ANGEL2: variants seen among roughly 807,000 people sequenced by gnomAD.
ANGEL2 encodes RNA 2',3'-cyclic phosphatase ANGEL2.
Under a neutral mutation model 66.0 loss-of-function variants are expected in ANGEL2, and 41 were observed. The ratio of observed to expected loss-of-function variants is 0.62; its 90% CI spans 0.48 to 0.81. The LOEUF is 0.81. Ranked by LOEUF, ANGEL2 falls within the 30% of genes least tolerant of loss-of-function variation. ANGEL2 has a pLI of 0.00. For missense variants in ANGEL2, 561 were observed against 641.6 expected (o/e 0.87, Z 1.36); for synonymous variants, 208 against 226.5 (o/e 0.92, Z 0.73).
At chr1:213,015,588 C>T (rs777984034) in intron 1 of ANGEL2, 25 bp downstream of exon 1, 24 of 1,612,442 alleles carry the variant, frequency 1.5e-5, no homozygotes, top group Admixed American at 3.3e-5. Context: ...CTCTCTCCTC[C>T]CTCCGAGTAC....
chr1:213,010,441 G>A (rs1010306906), intron 2 of ANGEL2, among the ~76,000 whole-genome samples: 1 of 151,854 alleles, frequency 6.6e-6, no homozygotes, highest in Admixed American at 6.6e-5. Flanking sequence ...GCGTGGTGGC[G>A]GGCACCTGCA....
Position 212,994,814 on chromosome 1 carries a change from T to G in ANGEL2, c.*227A>C. The G allele has an allele frequency of 3.1e-6, 1 of 319,758 alleles. No homozygotes were observed. The highest frequency in any genetic ancestry group is 5.6e-6 in the Non-Finnish European group (1 of 179,600). The allele number at this position is 319,758 out of a possible 1,614,324, so 19.8% of individuals were successfully genotyped here. ...TAGAATATAAAACCTTTACATCTCT[T>G]TTACAATAAAGAGAATTTAGAGCTC... On this transcript the variant is annotated 3_prime_UTR_variant, in exon 9 of 9. Transcript: ENST00000366962.
At chr1:213,000,518 A>G (rs2076148844) in intron 6 of ANGEL2, 135 bp from the exon 7 acceptor site, 1 of 825,316 alleles carries the variant, frequency 1.2e-6, no homozygotes, top group Non-Finnish European at 1.8e-6. Flanking sequence ...TCTGGAATCT[A>G]TATATTTCGA....
intron 2 of ANGEL2, among the ~76,000 whole-genome samples, chr1:213,011,800 A>C (rs1475764858): frequency 6.6e-6 from 1 of 152,216 alleles, no homozygotes; most frequent in Non-Finnish European, 1.5e-5. Flanking sequence ...CCAGATTTCT[A>C]AGAGGCTAAA....
At chr1:213,005,730 A>T (rs995843815) in intron 4 of ANGEL2, among the ~76,000 whole-genome samples, 8 of 152,136 alleles carry the variant, frequency 5.3e-5, no homozygotes, top group African/African-American at 1.9e-4. Context: ...AAGCTTTATA[A>T]TAATCTATTC....
Position 213,013,285 on chromosome 1 carries a change from G to T in ANGEL2, c.193C>A (p.Pro65Thr). 1 of 1,614,148 alleles carries T rather than the reference G, an allele frequency of 6.2e-7. No homozygotes were observed. The highest frequency in any genetic ancestry group is 1.6e-4 in the Middle Eastern group (1 of 6,062). The change falls in exon 2 of 9, where the codon CCT (proline) becomes ACT (threonine). Residue 65 changes from proline (P) to threonine (T), a missense_variant. By Grantham distance (38) the Pro-to-Thr change is conservative. Transcript: ENST00000366962. ...TGCCTACTACTGAAGTATGGGTAAG[G>T]AGCTCGAGAGTAATGTCCAGGCCAC... ...MRWPGHYSRA[P>T]YPYFSSRHFS... is the part of the protein sequence containing the mutation.
intron 8 of ANGEL2, among the ~76,000 whole-genome samples, chr1:212,996,636 A>ATAT (rs1251072343): frequency 0.012 from 506 of 41,674 alleles, 1 homozygote; most frequent in Admixed American, 0.052. Context: ...AAAAAAAAAA[A>ATAT]AAAAATATAT....
Position 213,007,117 on chromosome 1 carries a change from G to C in ANGEL2, c.712+12C>G. ...CAAAAAAGAAAAAAAAAAAAAAAAAGTTGCATTGTACCCAGTGATTCCAAA... is the reference window on the plus strand; with the variant it reads ...CAAAAAAGAAAAAAAAAAAAAAAAACTTGCATTGTACCCAGTGATTCCAAA... On this transcript the variant is annotated intron_variant, in intron 4 of 8. Coordinates refer to ENST00000366962, the MANE Select transcript of ANGEL2 (RefSeq NM_144567.5). The C allele has an allele frequency of 1.4e-6, 2 of 1,393,476 alleles. No individual in the cohort carries two copies. The highest frequency in any genetic ancestry group is 2.0e-6 in the Non-Finnish European group (2 of 1,017,976). 86.3% of individuals were successfully genotyped at this position (1,393,476 alleles called of 1,614,324 possible). A position where few individuals can be genotyped will look rare whatever the true frequency, so the allele number is the denominator to read the frequency against.
chr1:213,007,739 CTTA>C (rs1016503332), intron 3 of ANGEL2, among the ~76,000 whole-genome samples: 1 of 152,174 alleles, frequency 6.6e-6, no homozygotes, highest in African/African-American at 2.4e-5. Flanking sequence ...AAAGTTATAC[CTTA>C]TTAAGACTTA....
At chr1:212,995,223 A>G (rs2075963601) in intron 8 of ANGEL2, 31 bp from the exon 9 acceptor site, 3 of 1,564,152 alleles carry the variant, frequency 1.9e-6, no homozygotes, top group Admixed American at 1.9e-5. Context: ...CATATTTAGT[A>G]AAATTGTCAA....
At position 212,993,709 on chromosome 1, in the gene ANGEL2, C is replaced by T. The variant is rs1028630650; in HGVS notation, c.*1332G>A. 5 of 152,306 alleles carry T rather than the reference C, an allele frequency of 3.3e-5. No individual in the cohort carries two copies. Among genetic ancestry groups the T allele is most frequent in the African/African-American group, 1.2e-4 (5 of 41,552 alleles). 9.4% of individuals were successfully genotyped at this position (152,306 alleles called of 1,614,324 possible). On this transcript the variant is annotated 3_prime_UTR_variant, in exon 9 of 9. Coordinates refer to ENST00000366962, the MANE Select transcript of ANGEL2 (RefSeq NM_144567.5). The stretch of plus-strand genomic sequence containing the variant: ...ATAACCACTTCATAGAAAGTGTCAG[C>T]ACCATCTCATACTGGTGCATCACGG...
chr1:213,008,294 A>C lies in ANGEL2; in HGVS notation c.558T>G (p.Leu186=). The C allele has an allele frequency of 6.2e-7, 1 of 1,614,188 alleles. No individual in the cohort carries two copies. Among genetic ancestry groups the C allele is most frequent in the Non-Finnish European group, 8.5e-7 (1 of 1,179,994 alleles). ...SQDLLEDNSH[L]YRHCRRPVLH... is the part of the protein sequence containing the mutation. ...ATACTGGCCGCCGGCAATGTCTATA[A>C]AGGTGAGAGTTATCTTCCAGTAAAT... The change falls in exon 3 of 9, where the codon CTT becomes CTG. Residue 186 remains leucine, a synonymous_variant. Coordinates refer to ENST00000366962, the MANE Select transcript of ANGEL2 (RefSeq NM_144567.5).
chr1:213,011,411 A>G, intron 2 of ANGEL2: 1 of 1,133,166 alleles, frequency 8.8e-7, no homozygotes, highest in Non-Finnish European at 1.1e-6. Flanking sequence ...GAAATATCGG[A>G]AGTCACAAAT....
intron 5 of ANGEL2, among the ~76,000 whole-genome samples, chr1:213,004,535 A>G (rs2076265029): frequency 6.6e-6 from 1 of 151,664 alleles, no homozygotes; most frequent in Admixed American, 6.6e-5. Flanking sequence ...GTTGCCACAG[A>G]TAGATGAAAA....
Position 212,994,073 on chromosome 1 carries a change from G to C in ANGEL2, c.*968C>G, listed in dbSNP as rs902931282. ...GAGGTGGGCGGATCACCTGAGGTTG[G>C]GAGTTCGAGACCAGCCTAACCAACA... On this transcript the variant is annotated 3_prime_UTR_variant, in exon 9 of 9. Transcript: ENST00000366962. 1 of 152,176 alleles carries C rather than the reference G, an allele frequency of 6.6e-6. No homozygotes were observed. The allele number at this position is 152,176 out of a possible 1,614,324, so 9.4% of individuals were successfully genotyped here.
chr1:213,002,988 G>A lies in ANGEL2; in HGVS notation c.1134+2045C>T, dbSNP rs540314456. 5.9e-5 allele frequency among the ~76,000 whole-genome samples: 9 copies of A among 151,924 alleles called. No homozygotes were observed. In the East Asian group the frequency reaches 1.4e-3, roughly 23 times the overall value. On this transcript the variant is annotated intron_variant, in intron 5 of 8. Coordinates refer to ENST00000366962, the MANE Select transcript of ANGEL2 (RefSeq NM_144567.5). ...TCAATGATCTTAGCTAGATCTTCTG[G>A]ATAACCTACTGCAGCTTCTACATCA...
At chr1:213,012,067 T>C (rs545373153) in intron 2 of ANGEL2, among the ~76,000 whole-genome samples, 1 of 152,372 alleles carries the variant, frequency 6.6e-6, no homozygotes, top group African/African-American at 2.4e-5. Flanking sequence ...AGGTCCTTTG[T>C]AACTGTGTAG....
Position 213,013,269 on chromosome 1 carries a change from C to T in ANGEL2, c.209G>A (p.Ser70Asn). 1.9e-6 allele frequency: 3 copies of T among 1,614,172 alleles called. No homozygotes were observed. Among genetic ancestry groups the T allele is most frequent in the Non-Finnish European group, 2.5e-6 (3 of 1,180,032 alleles). ...HYSRAPYPYFSSRHFSLNWRP... is the reference protein window; with the variant it reads ...HYSRAPYPYFNSRHFSLNWRP... ...CCAATTTAGTGAAAAATGCCTACTACTGAAGTATGGGTAAGGAGCTCGAGA... is the reference window on the plus strand; with the variant it reads ...CCAATTTAGTGAAAAATGCCTACTATTGAAGTATGGGTAAGGAGCTCGAGA... The change falls in exon 2 of 9, where the codon AGT becomes AAT. Residue 70 changes from serine (S) to asparagine (N), a missense_variant. Physicochemically the swap from Ser to Asn is conservative, Grantham distance 46. Transcript: ENST00000366962.
Position 212,994,878 on chromosome 1 carries a change from G to T in ANGEL2, c.*163C>A. 2 of 518,052 alleles carry T rather than the reference G, an allele frequency of 3.9e-6. No homozygotes were observed. The highest frequency in any genetic ancestry group is 6.0e-6 in the Non-Finnish European group (2 of 334,640). 32.1% of individuals were successfully genotyped at this position (518,052 alleles called of 1,614,324 possible). A position where few individuals can be genotyped will look rare whatever the true frequency, so the allele number is the denominator to read the frequency against. On this transcript the variant is annotated 3_prime_UTR_variant, in exon 9 of 9. Coordinates refer to ENST00000366962, the MANE Select transcript of ANGEL2 (RefSeq NM_144567.5). The stretch of plus-strand genomic sequence containing the variant: ...ATATTTTTCATTATTAAAAAAAATT[G>T]TTATAAAGTTATTTCTTCTGATATG...
Sources: gnomAD v4.1 joint callset for allele counts (sites outside exome capture counted in the v4.1 genomes callset) on GRCh38, gnomAD v4.1.1 for gene constraint, MANE v1.5 for transcripts, NCBI Gene and HGNC (gene_info 2026-07-23, HGNC 2026-07-21) for gene names.